Variants in NETO1 observed in about 807,000 individuals in gnomAD.
NETO1 encodes neuropilin and tolloid like 1.
Under a neutral mutation model 61.3 loss-of-function variants are expected in NETO1, and 26 were observed. The ratio of observed to expected loss-of-function variants is 0.42; its 90% CI spans 0.31 to 0.59. NETO1 has a LOEUF of 0.59. Among genes scored for constraint, NETO1 ranks in the 20% least tolerant of loss-of-function variants. The pLI is 0.12. For synonymous variants in NETO1, 225 were observed against 225.8 expected, an observed-to-expected ratio of 1.00 and a Z score of 0.03; for missense variants, 531 against 662.8, an observed-to-expected ratio of 0.80 and a Z score of 2.18.
At chr18:72,783,401 T>C (rs374692065) in intron 7 of NETO1, among the ~76,000 whole-genome samples, 9 of 152,232 alleles carry the variant, frequency 5.9e-5, no homozygotes, top group Admixed American at 2.0e-4. Context: ...AAGAGCTAAA[T>C]TGAAGACAGA....
chr18:72,815,472 A>G (rs955629959), intron 4 of NETO1, among the ~76,000 whole-genome samples: 2 of 152,144 alleles, frequency 1.3e-5, no homozygotes, highest in Non-Finnish European at 2.9e-5. Context: ...GAAAGACAAC[A>G]CAACATAAGA....
At chr18:72,854,136 C>G (rs906150188) in intron 4 of NETO1, among the ~76,000 whole-genome samples, 12 of 52,278 alleles carry the variant, frequency 2.3e-4, no homozygotes, top group Middle Eastern at 6.1e-3. Flanking sequence ...CTTTGAAGTC[C>G]ATCAAAGCAT....
chr18:72,786,218 C>T (rs1213384056), intron 6 of NETO1, among the ~76,000 whole-genome samples: 1 of 152,028 alleles, frequency 6.6e-6, no homozygotes, highest in Non-Finnish European at 1.5e-5. Flanking sequence ...TTATTATATA[C>T]AGTGGAAATT....
chr18:72,808,419 T>TTTTGTG (rs1555691015), intron 4 of NETO1, among the ~76,000 whole-genome samples: 2 of 141,928 alleles, frequency 1.4e-5, no homozygotes, highest in South Asian at 4.9e-4. Context: ...CACTGCAGAT[T>TTTTGTG]TGTGTGTGTG....
intron 8 of NETO1, among the ~76,000 whole-genome samples, chr18:72,752,882 C>T (rs1229537105): frequency 6.6e-6 from 1 of 151,982 alleles, no homozygotes; most frequent in Non-Finnish European, 1.5e-5. Context: ...CTTCCTGGAG[C>T]CTCAACAGTA....
rs568226230 is a variant in NETO1 at position 72,838,857 on chromosome 18, G to A, written c.469+19969C>T. On this transcript the variant is annotated intron_variant, in intron 4 of 10. Coordinates refer to ENST00000327305, the MANE Select transcript of NETO1 (RefSeq NM_138966.5). The stretch of plus-strand genomic sequence containing the variant: ...ACAATTGTCTTTAGAATTTTAGGAA[G>A]TTTTTTTATTTACCTATTTCTCTCA... 3.1e-3 allele frequency among the ~76,000 whole-genome samples: 471 copies of A among 152,156 alleles called. 2 individuals are homozygous for A. The highest frequency in any genetic ancestry group is 6.8e-3 in the Middle Eastern group (2 of 294).
chr18:72,787,352 C>T lies in NETO1; in HGVS notation c.640-3446G>A, dbSNP rs576811274. On this transcript the variant is annotated intron_variant, in intron 6 of 10. Coordinates refer to ENST00000327305, the MANE Select transcript of NETO1 (RefSeq NM_138966.5). ...CTTTGAAGTGTAATACAAAATGACA[C>T]GTCTCTCCCAATAGTCTTACAAAGT... Among the ~76,000 whole-genome samples, 5 of 151,694 alleles carry T rather than the reference C, an allele frequency of 3.3e-5. No homozygotes were observed. In the East Asian group the frequency reaches 7.9e-4, roughly 24 times the overall value.
In NETO1 at chr18:72,745,578, G is replaced by A. The variant is rs745817636; in HGVS notation, c.*2601C>T. 27 of 152,126 alleles carry A rather than the reference G, an allele frequency of 1.8e-4. No homozygotes were observed. The highest frequency in any genetic ancestry group is 3.7e-4 in the Non-Finnish European group (25 of 68,014). 9.4% of individuals were successfully genotyped at this position (152,126 alleles called of 1,614,324 possible). A position where few individuals can be genotyped will look rare whatever the true frequency, so the allele number is the denominator to read the frequency against. ...TAAAATAACATGTCTTATAAGTCTTGAGACATCTCATTCCTTATCTATGTG... is the reference window on the plus strand; with the variant it reads ...TAAAATAACATGTCTTATAAGTCTTAAGACATCTCATTCCTTATCTATGTG... On this transcript the variant is annotated 3_prime_UTR_variant, in exon 11 of 11. Coordinates refer to ENST00000327305, the MANE Select transcript of NETO1 (RefSeq NM_138966.5).
intron 4 of NETO1, among the ~76,000 whole-genome samples, chr18:72,817,152 G>T (rs2073056145): frequency 6.6e-6 from 1 of 152,154 alleles, no homozygotes; most frequent in Admixed American, 6.5e-5. Flanking sequence ...TTCACCAATA[G>T]AATGGAGCAA....
chr18:72,861,688 G>A (rs755970298), intron 3 of NETO1, among the ~76,000 whole-genome samples: 13 of 152,084 alleles, frequency 8.5e-5, no homozygotes, highest in African/African-American at 2.7e-4. Context: ...CTGGGACCTC[G>A]CTTGTATTCT....
intron 7 of NETO1, among the ~76,000 whole-genome samples, chr18:72,769,722 C>T (rs1395458666): frequency 6.6e-6 from 1 of 152,046 alleles, no homozygotes; most frequent in Admixed American, 6.6e-5. Context: ...CATGTAGTTA[C>T]AAGAGTATAA....
At chr18:72,829,404 AT>A (rs1436244908) in intron 4 of NETO1, among the ~76,000 whole-genome samples, 1 of 152,092 alleles carries the variant, frequency 6.6e-6, no homozygotes, top group Non-Finnish European at 1.5e-5. Flanking sequence ...AGAGAAAAAA[AT>A]ATCTAATATA....
intron 3 of NETO1, among the ~76,000 whole-genome samples, chr18:72,862,689 C>T (rs1452974740): frequency 6.8e-6 from 1 of 146,504 alleles, no homozygotes; most frequent in East Asian, 2.0e-4. Flanking sequence ...GGTGCGATCT[C>T]GGCTCACTGC....
chr18:72,747,357 A>G lies in NETO1; in HGVS notation c.*822T>C, dbSNP rs1459670831. 2 of 152,098 alleles carry G rather than the reference A, an allele frequency of 1.3e-5. No homozygotes were observed. The highest frequency in any genetic ancestry group is 1.5e-5 in the Non-Finnish European group (1 of 67,974). The allele number at this position is 152,098 out of a possible 1,614,324, so 9.4% of individuals were successfully genotyped here. On this transcript the variant is annotated 3_prime_UTR_variant, in exon 11 of 11. Transcript: ENST00000327305. ...TTTCACAATGTGTCTAACAAAAAGG[A>G]TATTTTCCCAACTCAAATATCCAGT...
Position 72,866,869 on chromosome 18 carries a change from G to C in NETO1, c.28+395C>G, listed in dbSNP as rs955103744. 3.5e-6 allele frequency: 3 copies of C among 863,084 alleles called. No homozygotes were observed. In the African/African-American group the frequency reaches 5.4e-5, roughly 15 times the overall value. 53.5% of individuals were successfully genotyped at this position (863,084 alleles called of 1,614,324 possible). ...CCTGTACTGCGAACAGGGGCCCGCCGAGCTCCGGGAGCCCCTAGAAGAGGA... is the reference window on the plus strand; with the variant it reads ...CCTGTACTGCGAACAGGGGCCCGCCCAGCTCCGGGAGCCCCTAGAAGAGGA... On this transcript the variant is annotated intron_variant, in intron 1 of 10. Coordinates refer to ENST00000327305, the MANE Select transcript of NETO1 (RefSeq NM_138966.5).
At chr18:72,805,679 T>C (rs1599035566) in intron 4 of NETO1, among the ~76,000 whole-genome samples, 2 of 152,166 alleles carry the variant, frequency 1.3e-5, no homozygotes, top group Non-Finnish European at 2.9e-5. Flanking sequence ...GATTTCCATA[T>C]TGTCACATTC....
chr18:72,813,716 C>A (rs1322872406), intron 4 of NETO1, among the ~76,000 whole-genome samples: 2 of 152,118 alleles, frequency 1.3e-5, no homozygotes, highest in East Asian at 3.9e-4. Context: ...CTCAAAGATA[C>A]CCGAAGAAAT....
At chr18:72,825,329 A>G (rs2145336296) in intron 4 of NETO1, among the ~76,000 whole-genome samples, 1 of 152,324 alleles carries the variant, frequency 6.6e-6, no homozygotes, top group Non-Finnish European at 1.5e-5. Context: ...TGTTTTCCTA[A>G]ACATTGGCCT....
In NETO1 at chr18:72,867,512, C is replaced by T. The variant is rs1262914321; in HGVS notation, c.-221G>A. The T allele has an allele frequency of 1.5e-5, 6 of 390,446 alleles. No homozygotes were observed. The highest frequency in any genetic ancestry group is 2.3e-5 in the Non-Finnish European group (5 of 220,918). 24.2% of individuals were successfully genotyped at this position (390,446 alleles called of 1,614,324 possible). A position where few individuals can be genotyped will look rare whatever the true frequency, so the allele number is the denominator to read the frequency against. ...GTCCTCCGCCCCGGGCGGGCTCTCG[C>T]TCTCGCTGGCCCTCAGCGCCGCGCA... On this transcript the variant is annotated 5_prime_UTR_variant, in exon 1 of 11. Transcript: ENST00000327305.
Sources: gnomAD v4.1 joint callset for allele counts (sites outside exome capture counted in the v4.1 genomes callset) on GRCh38, gnomAD v4.1.1 for gene constraint, MANE v1.5 for transcripts, NCBI Gene and HGNC (gene_info 2026-07-23, HGNC 2026-07-21) for gene names.